The following STIM1 variants were observed in gnomAD, a reference collection of about 807,000 sequenced individuals.
STIM1 encodes stromal interaction molecule 1.
STIM1 carries 25 observed loss-of-function variants against 74.7 expected under a neutral mutation model. The observed-to-expected ratio is 0.33, with a 90% CI of 0.24 to 0.47. The LOEUF (loss-of-function observed/expected upper bound fraction) is 0.47. STIM1 is among the 20% of genes least tolerant of loss of function. The pLI is 1.00. For missense variants in STIM1, 728 were observed against 920.8 expected (o/e 0.79, Z 2.71); for synonymous variants, 328 against 348.8 (o/e 0.94, Z 0.66).
intron 1 of STIM1, among the ~76,000 whole-genome samples, chr11:3,876,174 A>G (rs61899399): frequency 0.015 from 2,216 of 152,336 alleles, 26 homozygotes; most frequent in Non-Finnish European, 0.025. Context: ...TTTGTAAACT[A>G]TGAAATACTA....
intron 1 of STIM1, among the ~76,000 whole-genome samples, chr11:3,933,588 G>A (rs761077909): frequency 5.9e-5 from 9 of 152,030 alleles, no homozygotes; most frequent in Non-Finnish European, 1.5e-5. Context: ...TGTCTACCTT[G>A]ACTTATTTGC....
chr11:3,920,080 T>TA (rs1248186369), intron 1 of STIM1, among the ~76,000 whole-genome samples: 12 of 149,398 alleles, frequency 8.0e-5, no homozygotes, highest in Admixed American at 1.3e-4. Context: ...CCCTGTTTCT[T>TA]AAAAAAAAAA....
Position 4,055,567 on chromosome 11 carries a change from A to G in STIM1, c.427A>G (p.Thr143Ala), listed in dbSNP as rs200824556. The G allele has an allele frequency of 1.2e-6, 2 of 1,601,198 alleles. No individual in the cohort carries two copies. The highest frequency in any genetic ancestry group is 1.7e-6 in the Non-Finnish European group (2 of 1,175,180). The change falls in exon 4 of 13, where the codon ACA becomes GCA. Residue 143 changes from threonine to alanine, a missense_variant. Around this residue, in one of 5 missense-constraint regions of STIM1, gnomAD observed 132 missense variants for 158.2 expected, o/e 0.83. Coordinates refer to ENST00000526596, the MANE Select transcript of STIM1 (RefSeq NM_001382567.1). The part of the protein sequence containing the change: ...TVDEVVQWLI[T>A]YVELPQYEET... ...GGATGAGGTGGTACAGTGGCTGATC[A>G]CATATGTGGAGCTGCCTCAGTATGA...
intron 3 of STIM1, among the ~76,000 whole-genome samples, chr11:4,032,972 A>G (rs1457869690): frequency 6.6e-6 from 1 of 152,108 alleles, no homozygotes; most frequent in African/African-American, 2.4e-5. Context: ...ATTTTCTTCT[A>G]GGGTTTTTAT....
At chr11:3,940,029 CAA>C (rs1385711788) in intron 1 of STIM1, among the ~76,000 whole-genome samples, 2 of 152,224 alleles carry the variant, frequency 1.3e-5, no homozygotes, top group East Asian at 3.8e-4. Flanking sequence ...TCATTGCTGA[CAA>C]GAGTGACTCA....
At chr11:3,991,267 C>A (rs556704589) in intron 2 of STIM1, among the ~76,000 whole-genome samples, 73 of 149,442 alleles carry the variant, frequency 4.9e-4, no homozygotes, top group African/African-American at 1.8e-3. Context: ...ATCTCCTGGG[C>A]TCAAGCATTC....
chr11:3,886,687 C>CAA lies in STIM1; in HGVS notation c.139+30301_139+30302dup, dbSNP rs199847545. On this transcript the variant is annotated intron_variant, in intron 1 of 12. Coordinates refer to ENST00000526596, the MANE Select transcript of STIM1 (RefSeq NM_001382567.1). ...TGGGTGACAGAGCGAGACTCTGTGT[C>CAA]AAAAAAAAAAAAAAAAAAAAAAAAG... 7.1e-3 allele frequency among the ~76,000 whole-genome samples: 626 copies of CAA among 87,820 alleles called. 11 individuals are homozygous for CAA. The highest frequency in any genetic ancestry group is 0.032 in the African/African-American group (573 of 17,912). The allele number at this position is 87,820 out of a possible 152,430, so 57.6% of individuals were successfully genotyped here.
intron 1 of STIM1, among the ~76,000 whole-genome samples, chr11:3,866,483 G>A (rs1340133901): frequency 6.7e-6 from 1 of 149,338 alleles, no homozygotes; most frequent in Non-Finnish European, 1.5e-5. Context: ...CTGGAGTGCA[G>A]TGGCGTAATC....
intron 3 of STIM1, among the ~76,000 whole-genome samples, chr11:4,051,278 T>C (rs898723270): frequency 3.9e-5 from 6 of 152,206 alleles, no homozygotes; most frequent in African/African-American, 1.4e-4. Flanking sequence ...GAATAAACTT[T>C]TGCTTTTTAC....
At chr11:3,900,390 G>T (rs193113953) in intron 1 of STIM1, among the ~76,000 whole-genome samples, 2 of 152,176 alleles carry the variant, frequency 1.3e-5, no homozygotes, top group African/African-American at 4.8e-5. Flanking sequence ...CACTTCCCGA[G>T]TGAGGCAATG....
chr11:4,083,062 A>C, intron 9 of STIM1, 80 bp downstream of exon 9: 1 of 1,318,234 alleles, frequency 7.6e-7, no homozygotes, highest in Non-Finnish European at 1.1e-6. Context: ...TCCAACACCA[A>C]TTCCATTTCC....
intron 3 of STIM1, among the ~76,000 whole-genome samples, chr11:4,044,180 C>T (rs1382080915): frequency 6.6e-6 from 1 of 152,148 alleles, no homozygotes; most frequent in Admixed American, 6.5e-5. Flanking sequence ...GCCACATGGA[C>T]AGGCTCAGGG....
chr11:3,857,336 C>G (rs2090425678), intron 1 of STIM1, among the ~76,000 whole-genome samples: 1 of 151,940 alleles, frequency 6.6e-6, no homozygotes, highest in South Asian at 2.1e-4. Context: ...ACTACAGCCT[C>G]AAACTCCTGG....
intron 1 of STIM1, among the ~76,000 whole-genome samples, chr11:3,869,037 T>G (rs1359532345): frequency 6.6e-6 from 1 of 152,120 alleles, no homozygotes; most frequent in African/African-American, 2.4e-5. Flanking sequence ...GGCGCCATCT[T>G]GGCTCATTGC....
intron 1 of STIM1, among the ~76,000 whole-genome samples, chr11:3,911,807 A>G (rs1389266698): frequency 2.0e-5 from 3 of 152,010 alleles, no homozygotes; most frequent in African/African-American, 7.2e-5. Context: ...CTCTCCTATC[A>G]TACTTTATAT....
intron 1 of STIM1, among the ~76,000 whole-genome samples, chr11:3,938,402 T>G (rs1160378469): frequency 6.6e-6 from 1 of 152,198 alleles, no homozygotes; most frequent in African/African-American, 2.4e-5. Flanking sequence ...CAAAATATCC[T>G]GTTGTATCCT....
At chr11:3,951,020 CTG>C (rs1306496348) in intron 1 of STIM1, among the ~76,000 whole-genome samples, 1 of 152,198 alleles carries the variant, frequency 6.6e-6, no homozygotes, top group Non-Finnish European at 1.5e-5. Context: ...AGTGAGGAAA[CTG>C]TTGTAACCCA....
chr11:4,023,838 G>A, intron 2 of STIM1, 35 bp from the exon 3 acceptor site: 1 of 1,560,328 alleles, frequency 6.4e-7, no homozygotes, highest in Non-Finnish European at 8.8e-7. Flanking sequence ...TGACTCCTAG[G>A]TATCTCTTGT....
chr11:4,084,579 C>T (rs2094481953), intron 10 of STIM1, 94 bp from the exon 11 acceptor site: 1 of 1,052,312 alleles, frequency 9.5e-7, no homozygotes, highest in South Asian at 1.3e-5. Flanking sequence ...TACCCAATCC[C>T]TGCCCCCAGC....
Sources: gnomAD v4.1 joint callset for allele counts (sites outside exome capture counted in the v4.1 genomes callset) on GRCh38, gnomAD v4.1.1 for gene constraint, gnomAD v4.1.1 regional missense constraint, MANE v1.5 for transcripts, NCBI Gene and HGNC (gene_info 2026-07-23, HGNC 2026-07-21) for gene names.